Variants in CSGALNACT1 observed in about 807,000 individuals in gnomAD.
CSGALNACT1 encodes the protein beta4GalNAcT-1.
CSGALNACT1 carries 52 observed loss-of-function variants against 51.0 expected under a neutral mutation model. That is an observed-to-expected ratio of 1.02 (90% CI 0.82 to 1.29). The LOEUF is 1.29. Among genes scored for constraint, CSGALNACT1 ranks in the 50% most tolerant of loss-of-function variants. The pLI, the probability that CSGALNACT1 is intolerant of heterozygous loss-of-function variation, is 0.00. For missense variants in CSGALNACT1, 935 were observed against 679.2 expected (o/e 1.38, Z -4.19); for synonymous variants, 341 against 254.4 (o/e 1.34, Z -3.24).
At chr8:19,743,252 G>T (rs957847634) in intron 1 of CSGALNACT1, among the ~76,000 whole-genome samples, 15 of 152,220 alleles carry the variant, frequency 9.9e-5, no homozygotes, top group South Asian at 2.1e-4. Context: ...TACATGAAAC[G>T]TATGGAGTGG....
chr8:19,621,320 A>G (rs1413850746), intron 1 of CSGALNACT1, among the ~76,000 whole-genome samples: 1 of 152,182 alleles, frequency 6.6e-6, no homozygotes, highest in Non-Finnish European at 1.5e-5. Context: ...CAAGTTTATT[A>G]TAAATTTTAC....
Position 19,491,542 on chromosome 8 carries a change from G to A in CSGALNACT1, c.634+13659C>T, listed in dbSNP as rs181986946. 3.7e-4 allele frequency among the ~76,000 whole-genome samples: 56 copies of A among 152,152 alleles called. 1 individual carries two copies. Among genetic ancestry groups the A allele is most frequent in the Non-Finnish European group, 5.4e-4 (37 of 68,008 alleles). ...ATCATTTATAAAATTGTGAAAATTC[G>A]TATTTTACATTTGTTTTAAACTTTA... On this transcript the variant is annotated intron_variant, in intron 4 of 9. Coordinates refer to ENST00000454498, the Ensembl canonical transcript of CSGALNACT1.
At chr8:19,606,618 G>C (rs1009198333), upstream of CSGALNACT1, among the ~76,000 whole-genome samples, 2 of 152,052 alleles carry the variant, frequency 1.3e-5, no homozygotes, top group Non-Finnish European at 2.9e-5. Context: ...TGGTGTCCTG[G>C]TCTTAAGACT....
At chr8:19,716,721 G>T (rs536723081) in intron 1 of CSGALNACT1, among the ~76,000 whole-genome samples, 1 of 151,718 alleles carries the variant, frequency 6.6e-6, no homozygotes, top group Admixed American at 6.6e-5. Context: ...GAACATGGGA[G>T]GCAGAAGTTG....
At chr8:19,436,768 G>A (rs1255448463) in intron 6 of CSGALNACT1, among the ~76,000 whole-genome samples, 5 of 151,968 alleles carry the variant, frequency 3.3e-5, no homozygotes, top group South Asian at 4.1e-4. Context: ...AAAATTAGCC[G>A]GGCATGGTGG....
intron 3 of CSGALNACT1, among the ~76,000 whole-genome samples, chr8:19,549,886 G>C (rs1057257233): frequency 6.6e-6 from 1 of 152,016 alleles, no homozygotes; most frequent in African/African-American, 2.4e-5. Flanking sequence ...TTCCACTGTT[G>C]CTAAGAAGTC....
chr8:19,709,283 C>T (rs2062361059), intron 1 of CSGALNACT1, among the ~76,000 whole-genome samples: 1 of 152,200 alleles, frequency 6.6e-6, no homozygotes. Context: ...TATCAGAATT[C>T]ATTCTCATTT....
At chr8:19,611,453 C>G (rs1246831017) in intron 1 of CSGALNACT1, among the ~76,000 whole-genome samples, 2 of 152,200 alleles carry the variant, frequency 1.3e-5, no homozygotes, top group African/African-American at 4.8e-5. Context: ...ACGCCCCAAT[C>G]TAATGGATTA....
At position 19,414,102 on chromosome 8, in the gene CSGALNACT1, C is replaced by T. The variant is rs117840283; in HGVS notation, c.1227+4554G>A. ...CATGCTGGTAGCCTGAAATAGGCCA[C>T]GGTGGGAGTATTTACACCATGGAAA... On this transcript the variant is annotated intron_variant, in intron 8 of 9. Transcript: ENST00000454498. 1.2e-3 allele frequency among the ~76,000 whole-genome samples: 181 copies of T among 152,248 alleles called. 5 individuals carry two copies. The East Asian group carries it at 0.025, about 21-fold the overall frequency.
At position 19,500,725 on chromosome 8, in the gene CSGALNACT1, T is replaced by C. The variant is rs543567431; in HGVS notation, c.634+4476A>G. On this transcript the variant is annotated intron_variant, in intron 4 of 9. Coordinates refer to ENST00000454498, the Ensembl canonical transcript of CSGALNACT1. ...TGTACAACCTGCTAATGTGTGTTTA[T>C]AGCTATCTCCCTGTGTCTTTGCTTT... Among the ~76,000 whole-genome samples, 20 of 152,374 alleles carry C rather than the reference T, an allele frequency of 1.3e-4. No individual in the cohort carries two copies. In the South Asian group the frequency reaches 3.9e-3, roughly 30 times the overall value.
At chr8:19,581,138 T>C (rs2154121943) in intron 3 of CSGALNACT1, among the ~76,000 whole-genome samples, 1 of 152,224 alleles carries the variant, frequency 6.6e-6, no homozygotes, top group South Asian at 2.1e-4. Context: ...AAGCCTGAGA[T>C]CCAACAAGCT....
chr8:19,681,909 G>T (rs2060649365), intron 1 of CSGALNACT1, among the ~76,000 whole-genome samples: 1 of 152,184 alleles, frequency 6.6e-6, no homozygotes, highest in African/African-American at 2.4e-5. Flanking sequence ...TCACACTCCA[G>T]GTCTCCCTGG....
chr8:19,664,812 C>T (rs952077443), intron 1 of CSGALNACT1, among the ~76,000 whole-genome samples: 3 of 152,130 alleles, frequency 2.0e-5, no homozygotes, highest in Non-Finnish European at 2.9e-5. Context: ...TGCATTTTCT[C>T]GCTTATAAGT....
intron 1 of CSGALNACT1, among the ~76,000 whole-genome samples, chr8:19,631,095 T>C (rs2055193244): frequency 6.6e-6 from 1 of 152,252 alleles, no homozygotes; most frequent in Non-Finnish European, 1.5e-5. Flanking sequence ...GGTCTATCCA[T>C]GCATCTCCTG....
chr8:19,690,817 G>T (rs141327264), intron 1 of CSGALNACT1, among the ~76,000 whole-genome samples: 3 of 151,910 alleles, frequency 2.0e-5, no homozygotes, highest in African/African-American at 7.2e-5. Flanking sequence ...GGTAATTTGG[G>T]AAATTAGAGT....
intron 1 of CSGALNACT1, among the ~76,000 whole-genome samples, chr8:19,612,542 C>A (rs1243407695): frequency 1.3e-5 from 2 of 152,018 alleles, no homozygotes; most frequent in Non-Finnish European, 2.9e-5. Context: ...GGTCCCGCAA[C>A]CAGTGACTTC....
intron 1 of CSGALNACT1, among the ~76,000 whole-genome samples, chr8:19,714,421 C>T (rs142603051): frequency 5.2e-4 from 79 of 152,170 alleles, no homozygotes; most frequent in African/African-American, 1.9e-3. Flanking sequence ...CTTTGGGAAA[C>T]TTCTCAGCCA....
chr8:19,607,005 A>G (rs2051474113), upstream of CSGALNACT1, among the ~76,000 whole-genome samples: 1 of 152,202 alleles, frequency 6.6e-6, no homozygotes, highest in East Asian at 1.9e-4. Flanking sequence ...AATACAAAAA[A>G]TTAGCCGGGC....
intron 4 of CSGALNACT1, among the ~76,000 whole-genome samples, chr8:19,465,716 G>A (rs1358336443): frequency 6.6e-6 from 1 of 152,106 alleles, no homozygotes; most frequent in East Asian, 1.9e-4. Flanking sequence ...ACTACTGTTT[G>A]GGCACCTGAC....
Sources: allele counts gnomAD v4.1 joint callset (sites outside exome capture counted in the v4.1 genomes callset), GRCh38; gene constraint gnomAD v4.1.1; transcripts MANE v1.5; gene names NCBI Gene and HGNC (gene_info 2026-07-23, HGNC 2026-07-21).